The following ASTN1 variants were observed in gnomAD, a reference collection of about 807,000 sequenced individuals.
ASTN1 encodes the protein astrotactin 1.
Under a neutral mutation model 140.7 loss-of-function variants are expected in ASTN1, and 41 were observed. That is an observed-to-expected ratio of 0.29 (90% confidence interval 0.23 to 0.38). The LOEUF (loss-of-function observed/expected upper bound fraction) is 0.38, where lower values mean the gene tolerates loss of function less well. Ranked by LOEUF, ASTN1 falls within the 10% of genes least tolerant of loss-of-function variation. ASTN1 has a pLI of 1.00. For missense variants in ASTN1, 1,479 were observed against 1,678.8 expected, an observed-to-expected ratio of 0.88 and a Z score of 2.08; for synonymous variants, 640 against 652.2, an observed-to-expected ratio of 0.98 and a Z score of 0.29.
At chr1:177,155,465 TG>T (rs1031779219) in intron 1 of ASTN1, among the ~76,000 whole-genome samples, 1 of 152,104 alleles carries the variant, frequency 6.6e-6, no homozygotes, top group African/African-American at 2.4e-5. Context: ...TGGAAGGGGT[TG>T]GGGGGAAAGT....
chr1:177,067,111 G>C lies in ASTN1; in HGVS notation c.284-5846C>G, dbSNP rs149669997. ...AACCAAATCTAGTATGGTTTCTGAG[G>C]GGGGGTTCACAGAGCAGAGTTAGGA... On this transcript the variant is annotated intron_variant, in intron 1 of 22. Coordinates refer to ENST00000361833, the MANE Select transcript of ASTN1 (RefSeq NM_004319.3). Among the ~76,000 whole-genome samples, 638 of 152,108 alleles carry C rather than the reference G, an allele frequency of 4.2e-3. 2 individuals are homozygous for C. The highest frequency in any genetic ancestry group is 7.4e-3 in the Non-Finnish European group (502 of 67,984).
intron 8 of ASTN1, among the ~76,000 whole-genome samples, chr1:176,989,606 T>C (rs181216226): frequency 3.9e-5 from 6 of 152,244 alleles, no homozygotes; most frequent in Admixed American, 3.9e-4. Context: ...TCTTCTCCCT[T>C]CCTATAGAGC....
intron 11 of ASTN1, 71 bp downstream of exon 11, chr1:176,957,607 T>C (rs376930486): frequency 1.2e-5 from 19 of 1,568,358 alleles, no homozygotes; most frequent in East Asian, 4.5e-5. Flanking sequence ...TATGTATCTG[T>C]ATTGTGTCTT....
At chr1:176,957,436 T>C (rs576683519) in intron 11 of ASTN1, among the ~76,000 whole-genome samples, 1 of 152,298 alleles carries the variant, frequency 6.6e-6, no homozygotes, top group East Asian at 1.9e-4. Context: ...TTAGTTCTTA[T>C]CAACTAATTT....
chr1:176,858,748 T>C (rs1037999897), downstream of ASTN1, among the ~76,000 whole-genome samples: 6 of 152,328 alleles, frequency 3.9e-5, no homozygotes, highest in Non-Finnish European at 8.8e-5. Context: ...GGGTTTGCAC[T>C]GGCCAACCAC....
intron 1 of ASTN1, among the ~76,000 whole-genome samples, chr1:177,119,155 T>C (rs1681252026): frequency 6.6e-6 from 1 of 152,094 alleles, no homozygotes; most frequent in Non-Finnish European, 1.5e-5. Context: ...TAACTTTTTG[T>C]TTCTTTGGCT....
At chr1:177,143,695 T>C (rs1418814205) in intron 1 of ASTN1, among the ~76,000 whole-genome samples, 1 of 152,228 alleles carries the variant, frequency 6.6e-6, no homozygotes, top group Non-Finnish European at 1.5e-5. Context: ...TTTTGCTTAA[T>C]CTGAACTTTA....
In ASTN1 at chr1:177,032,745, A is replaced by T; in HGVS notation, c.576T>A (p.Ser192Arg). 1 of 1,613,616 alleles carries T rather than the reference A, an allele frequency of 6.2e-7. No individual in the cohort carries two copies. The highest frequency in any genetic ancestry group is 8.5e-7 in the Non-Finnish European group (1 of 1,179,986). The change falls in exon 3 of 23, where the codon AGT becomes AGA. Residue 192 changes from serine (S) to arginine (R), a missense_variant. Ser to Arg is a moderately radical substitution (Grantham distance 110). This residue lies in a region of ASTN1 where 729 missense variants were observed against 860.4 expected (regional missense o/e 0.85). Coordinates refer to ENST00000361833, the MANE Select transcript of ASTN1 (RefSeq NM_004319.3). ...KRRRVPQPQK[S>R]ASAEAANEIH... ...TCTCATTGGCTGCCTCAGCACTGGC[A>T]CTCTTCTGGGGCTGCGGGACCCGGC...
chr1:176,967,747 C>T (rs971725239), intron 8 of ASTN1, among the ~76,000 whole-genome samples: 1 of 152,188 alleles, frequency 6.6e-6, no homozygotes, highest in African/African-American at 2.4e-5. Flanking sequence ...TTATTAAGCA[C>T]ACATCCACTG....
At chr1:176,902,046 A>G (rs1669788488) in intron 16 of ASTN1, among the ~76,000 whole-genome samples, 1 of 152,220 alleles carries the variant, frequency 6.6e-6, no homozygotes, top group Non-Finnish European at 1.5e-5. Flanking sequence ...CGGTCCCTCA[A>G]GAGCAGTATC....
chr1:176,962,046 C>T (rs540854834), intron 9 of ASTN1, among the ~76,000 whole-genome samples: 4 of 152,288 alleles, frequency 2.6e-5, no homozygotes, highest in African/African-American at 9.6e-5. Context: ...TGTGAGGAAA[C>T]GGATCAATTG....
intron 9 of ASTN1, among the ~76,000 whole-genome samples, chr1:176,963,550 T>C (rs2101847203): frequency 6.6e-6 from 1 of 152,312 alleles, no homozygotes; most frequent in Admixed American, 6.5e-5. Context: ...GCCCCCACTA[T>C]AGTGCTTGGA....
intron 18 of ASTN1, among the ~76,000 whole-genome samples, chr1:176,887,030 G>T (rs1286833826): frequency 6.6e-6 from 1 of 152,110 alleles, no homozygotes; most frequent in Non-Finnish European, 1.5e-5. Context: ...AAGGAAATTG[G>T]GCATGTCCAT....
chr1:177,015,791 C>T (rs1048461232), intron 7 of ASTN1, among the ~76,000 whole-genome samples: 14 of 152,078 alleles, frequency 9.2e-5, no homozygotes, highest in Admixed American at 2.6e-4. Flanking sequence ...TATTTACTAC[C>T]GATTTTGAAG....
chr1:177,065,339 T>G (rs908376095), intron 1 of ASTN1, among the ~76,000 whole-genome samples: 1 of 152,200 alleles, frequency 6.6e-6, no homozygotes, highest in African/African-American at 2.4e-5. Context: ...CTTCCCAGAA[T>G]CTATGGAAAC....
Position 176,868,959 on chromosome 1 carries a change from T to C in ASTN1, c.3532A>G (p.Asn1178Asp). Residue 1178 changes from asparagine (N) to aspartate (D), a missense_variant, in exon 22 of 23, where the codon AAC becomes GAC. By Grantham distance (23) the Asn-to-Asp change is conservative. Coordinates refer to ENST00000361833, the MANE Select transcript of ASTN1 (RefSeq NM_004319.3). The part of the protein sequence containing the change: ...TSGKEQQTAY[N>D]TLLDLGSPTL... The stretch of plus-strand genomic sequence containing the variant: ...GGGGAACCCAGATCCAGGAGGGTGT[T>C]GTAGGCGGTCTGCTGCTCCTTCCCA... 6.2e-7 allele frequency: 1 copy of C among 1,612,838 alleles called. No individual in the cohort carries two copies. The highest frequency in any genetic ancestry group is 1.1e-5 in the South Asian group (1 of 90,880).
chr1:177,048,803 G>A (rs775144902), intron 2 of ASTN1, among the ~76,000 whole-genome samples: 17 of 152,160 alleles, frequency 1.1e-4, no homozygotes, highest in African/African-American at 7.2e-5. Context: ...AGACACAGAG[G>A]AGCAGAGCCA....
intron 17 of ASTN1, among the ~76,000 whole-genome samples, chr1:176,891,708 G>A (rs775432348): frequency 4.6e-5 from 7 of 152,100 alleles, no homozygotes; most frequent in Non-Finnish European, 7.4e-5. Context: ...CAGGAGAATC[G>A]CTTGAACCCG....
intron 16 of ASTN1, among the ~76,000 whole-genome samples, chr1:176,911,252 A>G (rs1670224590): frequency 6.6e-6 from 1 of 152,186 alleles, no homozygotes; most frequent in Non-Finnish European, 1.5e-5. Context: ...TCAGTGGGTG[A>G]GTGGTGAGTG....
Sources: allele counts gnomAD v4.1 joint callset (sites outside exome capture counted in the v4.1 genomes callset), GRCh38; gene constraint gnomAD v4.1.1; regional missense constraint gnomAD v4.1.1; transcripts MANE v1.5; gene names NCBI Gene and HGNC (gene_info 2026-07-23, HGNC 2026-07-21).